The following MIDEAS variants were observed in gnomAD, a reference collection of about 807,000 sequenced individuals.
The protein encoded by MIDEAS is mitotic deacetylase-associated SANT domain protein.
In MIDEAS, 26 loss-of-function variants were observed where a neutral mutation model predicts 102.7. The ratio of observed to expected loss-of-function variants is 0.25; its 90% confidence interval spans 0.19 to 0.35. The LOEUF is 0.35. Ranked by LOEUF, MIDEAS falls within the 10% of genes least tolerant of loss-of-function variation. MIDEAS has a pLI of 1.00. For synonymous variants in MIDEAS, 585 were observed against 591.0 expected (o/e 0.99, Z 0.15); for missense variants, 1,231 against 1,435.6 (o/e 0.86, Z 2.30).
chr14:73,719,402 G>T lies in MIDEAS; in HGVS notation c.3037C>A (p.Arg1013=). 6.2e-7 allele frequency: 1 copy of T among 1,613,998 alleles called. No individual in the cohort carries two copies. Among genetic ancestry groups the T allele is most frequent in the Non-Finnish European group, 8.5e-7 (1 of 1,179,984 alleles). Residue 1013 remains arginine (R), a synonymous_variant, in exon 12 of 13, where the codon CGA becomes AGA. Coordinates refer to ENST00000423556, the MANE Select transcript of MIDEAS (RefSeq NM_001367710.1). ...EKPREGTGKS[R]RALPFSEKKK... ...TTCTCTGAAAAAGGTAGTGCCCTTC[G>T]TGACTTCCCTGTCCCTTCCCTTGGC...
intron 9 of MIDEAS, chr14:73,723,080 A>T (rs1167954573): frequency 2.4e-6 from 1 of 412,362 alleles, no homozygotes; most frequent in Non-Finnish European, 4.4e-6. Flanking sequence ...AAAGCTATAA[A>T]GGACAATGTC....
chr14:73,748,764 G>A (rs1449992740), intron 1 of MIDEAS, among the ~76,000 whole-genome samples: 1 of 57,094 alleles, frequency 1.8e-5, no homozygotes, highest in East Asian at 8.1e-4. Flanking sequence ...GCTAGACTCC[G>A]TCTCAAAAAA....
Position 73,717,803 on chromosome 14 carries a change from C to T in MIDEAS, c.*1040G>A, listed in dbSNP as rs1229466620. 6.5e-6 allele frequency: 1 copy of T among 152,696 alleles called. No individual in the cohort carries two copies. The highest frequency in any genetic ancestry group is 2.4e-5 in the African/African-American group (1 of 41,468). The allele number at this position is 152,696 out of a possible 1,614,324, so 9.5% of individuals were successfully genotyped here. On this transcript the variant is annotated 3_prime_UTR_variant, in exon 13 of 13. Transcript: ENST00000423556. ...CCTGTCCAATCGAGTTAGGAGACCT[C>T]TCCCTCCCAGGGAAGGATCCAGAAA...
chr14:73,719,404 G>A lies in MIDEAS; in HGVS notation c.3035C>T (p.Ser1012Leu), dbSNP rs1264741991. The change falls in exon 12 of 13, where the codon TCA becomes TTA. Residue 1012 changes from serine to leucine, a missense_variant. Ser to Leu is a moderately radical substitution (Grantham distance 145). Around this residue, in one of 5 missense-constraint regions of MIDEAS, gnomAD observed 391 missense variants for 483.0 expected, o/e 0.81. Transcript: ENST00000423556. ...CTCTGAAAAAGGTAGTGCCCTTCGT[G>A]ACTTCCCTGTCCCTTCCCTTGGCTT... is the stretch of plus-strand genomic sequence containing the variant. ...SEKPREGTGK[S>L]RRALPFSEKK... The A allele has an allele frequency of 3.1e-6, 5 of 1,614,086 alleles. No individual in the cohort carries two copies. The highest frequency in any genetic ancestry group is 4.2e-6 in the Non-Finnish European group (5 of 1,180,010).
At chr14:73,719,198 G>T in intron 12 of MIDEAS, 107 bp downstream of exon 12, 1 of 1,504,318 alleles carries the variant, frequency 6.6e-7, no homozygotes, top group African/African-American at 1.4e-5. Flanking sequence ...AACCAGAAAC[G>T]AGGCGGACAC....
intron 9 of MIDEAS, chr14:73,724,566 T>G (rs1053353051): frequency 6.6e-6 from 1 of 152,530 alleles, no homozygotes; most frequent in Non-Finnish European, 1.5e-5. Flanking sequence ...AGGGCCCTTG[T>G]AGGGGAATTC....
intron 3 of MIDEAS, chr14:73,730,257 CT>C: frequency 3.3e-6 from 2 of 603,874 alleles, no homozygotes; most frequent in East Asian, 3.1e-5. Context: ...TCTTCTTTCC[CT>C]TTTTCTTTTT....
chr14:73,716,902 G>C lies in MIDEAS; in HGVS notation c.*1941C>G, dbSNP rs192726102. On this transcript the variant is annotated 3_prime_UTR_variant, in exon 13 of 13. Transcript: ENST00000423556. ...CGTATTGTACAAGTAATTTCGAAGA[G>C]AGCCTAAATTTGCTACCCCCCTGCT... 2.0e-5 allele frequency: 3 copies of C among 152,722 alleles called. No homozygotes were observed. Among genetic ancestry groups the C allele is most frequent in the East Asian group, 1.9e-4 (1 of 5,178 alleles). The allele number at this position is 152,722 out of a possible 1,614,324, so 9.5% of individuals were successfully genotyped here. A position where few individuals can be genotyped will look rare whatever the true frequency, so the allele number is the denominator to read the frequency against.
At chr14:73,741,160 G>A (rs962575815) in intron 1 of MIDEAS, among the ~76,000 whole-genome samples, 1 of 152,188 alleles carries the variant, frequency 6.6e-6, no homozygotes, top group Non-Finnish European at 1.5e-5. Flanking sequence ...GATCGTAGAG[G>A]GTGCAGATTG....
chr14:73,730,251 C>T (rs1181441916), intron 3 of MIDEAS: 2 of 626,070 alleles, frequency 3.2e-6, no homozygotes, highest in African/African-American at 3.7e-5. Context: ...TATTCCTCTT[C>T]TTTCCCTTTT....
At chr14:73,787,569 C>G (rs984136064), upstream of MIDEAS, 2 of 152,272 alleles carry the variant, frequency 1.3e-5, no homozygotes, top group Admixed American at 6.5e-5. Context: ...AGGGTAAACA[C>G]CAGTACACAA....
chr14:73,760,878 T>C (rs1027719182), upstream of MIDEAS, among the ~76,000 whole-genome samples: 4 of 152,220 alleles, frequency 2.6e-5, no homozygotes, highest in Admixed American at 1.3e-4. The surrounding 1 kb of genome is among the most constrained non-coding windows in gnomAD (Gnocchi z 4.8). Flanking sequence ...TACTCACATT[T>C]TCCCCTGTCT....
intron 1 of MIDEAS, among the ~76,000 whole-genome samples, chr14:73,756,681 T>C (rs28605040): frequency 0.027 from 4,049 of 152,238 alleles, 56 homozygotes; most frequent in African/African-American, 0.042. Context: ...AGGGTGCCAA[T>C]CTGGGCTGAC....
At chr14:73,737,365 T>G in intron 2 of MIDEAS, 68 bp from the exon 3 acceptor site, 1 of 1,497,658 alleles carries the variant, frequency 6.7e-7, no homozygotes, top group Non-Finnish European at 9.0e-7. Context: ...GGCTCACGCC[T>G]ATAATTCCTG....
intron 3 of MIDEAS, 114 bp downstream of exon 3, chr14:73,736,884 C>G: frequency 9.1e-7 from 1 of 1,103,882 alleles, no homozygotes; most frequent in Non-Finnish European, 1.3e-6. Context: ...AAAATAGTAT[C>G]TCCACAGGTT....
At chr14:73,756,243 T>A (rs1443468861) in intron 1 of MIDEAS, among the ~76,000 whole-genome samples, 3 of 150,998 alleles carry the variant, frequency 2.0e-5, no homozygotes, top group Non-Finnish European at 4.4e-5. Flanking sequence ...TGCTCCCAAG[T>A]GTGTGACTGC....
At position 73,721,371 on chromosome 14, in the gene MIDEAS, GCTC is replaced by G. The variant is rs768639350; in HGVS notation, c.2860_2862del (p.Glu954del). Reference sequence around the variant, plus strand: ...CTGCTGCGCTCTCGCCCCTCTTCCTGCTCCTCCTTCTCTTGGATCTCTGGCACC... The same window carrying G: ...CTGCTGCGCTCTCGCCCCTCTTCCTGCTCCTTCTCTTGGATCTCTGGCACC... On this transcript the variant is annotated inframe_deletion, in exon 11 of 13. Coordinates refer to ENST00000423556, the MANE Select transcript of MIDEAS (RefSeq NM_001367710.1). The G allele has an allele frequency of 2.0e-5, 32 of 1,613,898 alleles. No individual in the cohort carries two copies. The highest frequency in any genetic ancestry group is 2.6e-5 in the Non-Finnish European group (31 of 1,179,988).
chr14:73,762,127 C>T (rs894240431), upstream of MIDEAS, among the ~76,000 whole-genome samples: 1 of 152,260 alleles, frequency 6.6e-6, no homozygotes, highest in Non-Finnish European at 1.5e-5. Flanking sequence ...TGTGGCCATC[C>T]TCACCTCCCC....
intron 1 of MIDEAS, among the ~76,000 whole-genome samples, chr14:73,758,070 C>T (rs1253022064): frequency 6.6e-6 from 1 of 152,124 alleles, no homozygotes; most frequent in East Asian, 1.9e-4. Flanking sequence ...CCCCTTGTCC[C>T]CCCGGGAGCT....
Sources: gnomAD v4.1 joint callset for allele counts (sites outside exome capture counted in the v4.1 genomes callset) on GRCh38, gnomAD v4.1.1 for gene constraint, gnomAD v4.1.1 regional missense constraint, Gnocchi (gnomAD v3.1) non-coding constraint, MANE v1.5 for transcripts, NCBI Gene and HGNC (gene_info 2026-07-23, HGNC 2026-07-21) for gene names.